Variants in ST8SIA6 observed in about 807,000 individuals in gnomAD.
ST8SIA6 encodes ST8 alpha-N-acetyl-neuraminide alpha-2,8-sialyltransferase 6, also known as alpha-2,8-sialyltransferase 8F.
Under a neutral mutation model 33.6 loss-of-function variants are expected in ST8SIA6, and 39 were observed. That is an observed-to-expected ratio of 1.16 (90% CI 0.90 to 1.52). The LOEUF (loss-of-function observed/expected upper bound fraction) is 1.52. ST8SIA6 is among the 40% of genes most tolerant of loss of function. ST8SIA6 has a pLI of 0.00. For missense variants in ST8SIA6, 441 were observed against 443.8 expected (o/e 0.99, Z 0.06); for synonymous variants, 172 against 167.2 (o/e 1.03, Z -0.22).
chr10:17,430,342 T>G (rs1490942614), intron 2 of ST8SIA6, among the ~76,000 whole-genome samples: 1 of 152,202 alleles, frequency 6.6e-6, no homozygotes, highest in Non-Finnish European at 1.5e-5. Flanking sequence ...AATTGTGAAT[T>G]GTGCTACTAT....
At chr10:17,353,986 T>G (rs1380274739) in intron 4 of ST8SIA6, among the ~76,000 whole-genome samples, 1 of 152,210 alleles carries the variant, frequency 6.6e-6, no homozygotes, top group Admixed American at 6.5e-5. Flanking sequence ...TGTGTACCTA[T>G]TAGTTTTCTG....
chr10:17,375,540 T>C (rs572138937), intron 3 of ST8SIA6, among the ~76,000 whole-genome samples: 1 of 152,222 alleles, frequency 6.6e-6, no homozygotes, highest in African/African-American at 2.4e-5. Flanking sequence ...GAGGAACATA[T>C]CTTTCAGAAA....
chr10:17,421,188 T>C (rs1431231695), intron 2 of ST8SIA6, among the ~76,000 whole-genome samples: 2 of 152,160 alleles, frequency 1.3e-5, no homozygotes. Context: ...GCCCCTTACC[T>C]GGGGTAGAAC....
chr10:17,416,347 C>T (rs1312875991), intron 2 of ST8SIA6, among the ~76,000 whole-genome samples: 1 of 152,210 alleles, frequency 6.6e-6, no homozygotes, highest in East Asian at 1.9e-4. Flanking sequence ...ATTCTACTCT[C>T]TGGCTTTGAG....
chr10:17,417,505 T>G (rs1265813314), intron 2 of ST8SIA6, among the ~76,000 whole-genome samples: 1 of 151,880 alleles, frequency 6.6e-6, no homozygotes, highest in Non-Finnish European at 1.5e-5. Flanking sequence ...AATGCTCACC[T>G]CCCACCCCCG....
intron 2 of ST8SIA6, among the ~76,000 whole-genome samples, chr10:17,417,588 G>A (rs1851644677): frequency 6.6e-6 from 1 of 151,874 alleles, no homozygotes; most frequent in South Asian, 2.1e-4. Context: ...CTTTTGTCTG[G>A]CATGCTCCCT....
At chr10:17,385,698 C>T (rs925498996) in intron 3 of ST8SIA6, among the ~76,000 whole-genome samples, 2 of 152,086 alleles carry the variant, frequency 1.3e-5, no homozygotes, top group Admixed American at 6.6e-5. Context: ...TGTGGTTCTT[C>T]AGTTGCCTCA....
intron 2 of ST8SIA6, among the ~76,000 whole-genome samples, chr10:17,402,393 T>C (rs11254579): frequency 0.22 from 33,737 of 152,012 alleles, 4,850 homozygotes; most frequent in East Asian, 0.6. Context: ...GTTCTAGAAC[T>C]AGAAATACCA....
intron 2 of ST8SIA6, among the ~76,000 whole-genome samples, chr10:17,419,012 A>G (rs950727445): frequency 4.6e-5 from 7 of 151,420 alleles, no homozygotes; most frequent in South Asian, 2.1e-4. Context: ...AAAAAAAAAA[A>G]AAAGAAAAAT....
In ST8SIA6 at chr10:17,317,980, C is replaced by T. The variant is rs1056399652; in HGVS notation, c.*2898G>A. On this transcript the variant is annotated 3_prime_UTR_variant, in exon 8 of 8. Transcript: ENST00000377602. ...ACACTGCGCAAAAATTAACACTATG[C>T]AATTGATCATGAAGCCCTTTGCAGG... 3.3e-5 allele frequency among the ~76,000 whole-genome samples: 5 copies of T among 152,142 alleles called. No individual in the cohort carries two copies. Among genetic ancestry groups the T allele is most frequent in the Non-Finnish European group, 7.4e-5 (5 of 68,022 alleles).
intron 4 of ST8SIA6, among the ~76,000 whole-genome samples, chr10:17,338,608 A>T (rs1044760583): frequency 2.0e-5 from 3 of 152,238 alleles, no homozygotes; most frequent in Admixed American, 6.5e-5. Context: ...TTCAAAGGCT[A>T]TCATACAATG....
chr10:17,434,843 T>C (rs753613540), intron 2 of ST8SIA6, among the ~76,000 whole-genome samples: 3 of 152,144 alleles, frequency 2.0e-5, no homozygotes, highest in Non-Finnish European at 2.9e-5. Flanking sequence ...GTTTATGGTT[T>C]CTCTTGTGAC....
chr10:17,443,470 C>A (rs541643351), intron 2 of ST8SIA6, among the ~76,000 whole-genome samples: 1 of 152,214 alleles, frequency 6.6e-6, no homozygotes, highest in Non-Finnish European at 1.5e-5. Flanking sequence ...TAGAGAATTT[C>A]GGTGTATTTT....
intron 2 of ST8SIA6, among the ~76,000 whole-genome samples, chr10:17,407,149 T>A (rs534306975): frequency 1.4e-3 from 207 of 152,296 alleles, no homozygotes; most frequent in African/African-American, 4.6e-3. Context: ...GCTTGTTGAT[T>A]TTTTAAACCC....
intron 2 of ST8SIA6, among the ~76,000 whole-genome samples, chr10:17,423,049 G>C (rs1367459232): frequency 6.6e-6 from 1 of 152,164 alleles, no homozygotes; most frequent in Non-Finnish European, 1.5e-5. Context: ...GAATAGTACT[G>C]CCATTCATTT....
At chr10:17,322,028 A>C (rs1195603967) in intron 7 of ST8SIA6, among the ~76,000 whole-genome samples, 1 of 151,508 alleles carries the variant, frequency 6.6e-6, no homozygotes, top group Non-Finnish European at 1.5e-5. Context: ...CCTTGAGCCC[A>C]GGAGTTTGAG....
intron 3 of ST8SIA6, among the ~76,000 whole-genome samples, chr10:17,387,251 TA>T (rs1850404182): frequency 1.7e-5 from 2 of 120,530 alleles, no homozygotes; most frequent in African/African-American, 3.9e-5. Flanking sequence ...AAGAAAACAA[TA>T]ATTTTTTTTT....
chr10:17,441,296 T>C (rs960270475), intron 2 of ST8SIA6, among the ~76,000 whole-genome samples: 4 of 110,968 alleles, frequency 3.6e-5, no homozygotes, highest in African/African-American at 2.2e-4. Context: ...GGTAAGCATC[T>C]AAATTATCTT....
chr10:17,447,909 C>T (rs1230334578), intron 2 of ST8SIA6, among the ~76,000 whole-genome samples: 1 of 152,018 alleles, frequency 6.6e-6, no homozygotes, highest in African/African-American at 2.4e-5. Flanking sequence ...AAGTGATTCT[C>T]GTGCCTCAAC....
Sources: allele counts gnomAD v4.1 joint callset (sites outside exome capture counted in the v4.1 genomes callset), GRCh38; gene constraint gnomAD v4.1.1; transcripts MANE v1.5; gene names NCBI Gene and HGNC (gene_info 2026-07-23, HGNC 2026-07-21).